The following KCNIP4 variants were observed in gnomAD, a reference collection of about 807,000 sequenced individuals.
The protein encoded by KCNIP4 is Kv channel-interacting protein 4.
Under a neutral mutation model 34.0 loss-of-function variants are expected in KCNIP4, and 12 were observed. That is an observed-to-expected ratio of 0.35 (90% CI 0.23 to 0.57). The LOEUF (loss-of-function observed/expected upper bound fraction) is 0.57. Ranked by LOEUF, KCNIP4 falls within the 20% of genes least tolerant of loss-of-function variation. The probability of loss-of-function intolerance (pLI) is 0.83; values close to 1 mark genes in which losing one functional copy is unlikely to be tolerated. For synonymous variants in KCNIP4, 124 were observed against 102.2 expected (o/e 1.21, Z -1.29); for missense variants, 238 against 311.7 (o/e 0.76, Z 1.78).
intron 3 of KCNIP4, among the ~76,000 whole-genome samples, chr4:20,841,119 A>G (rs764303241): frequency 6.6e-6 from 1 of 152,202 alleles, no homozygotes; most frequent in Non-Finnish European, 1.5e-5. Context: ...CTATTATTAG[A>G]TTATTTTTCA....
chr4:21,005,120 A>AGTC (rs929241270), intron 1 of KCNIP4, among the ~76,000 whole-genome samples: 11 of 152,196 alleles, frequency 7.2e-5, no homozygotes, highest in Non-Finnish European at 1.3e-4. Flanking sequence ...CTTATATGAC[A>AGTC]GGCCAGAGGT....
chr4:21,453,017 C>T (rs190528466), intron 1 of KCNIP4, among the ~76,000 whole-genome samples: 1 of 152,038 alleles, frequency 6.6e-6, no homozygotes, highest in East Asian at 1.9e-4. Context: ...GTTTAGGCAC[C>T]TTTTAGCCAT....
At chr4:20,896,473 T>A (rs1359479949) in intron 1 of KCNIP4, among the ~76,000 whole-genome samples, 1 of 152,134 alleles carries the variant, frequency 6.6e-6, no homozygotes, top group East Asian at 1.9e-4. Flanking sequence ...AGCCAATAAC[T>A]GGTATCTTTC....
intron 1 of KCNIP4, among the ~76,000 whole-genome samples, chr4:20,997,891 G>T (rs927487272): frequency 2.1e-4 from 32 of 152,156 alleles, no homozygotes; most frequent in African/African-American, 7.7e-4. Flanking sequence ...AAGTCACCTC[G>T]GGTGAAATTG....
intron 1 of KCNIP4, among the ~76,000 whole-genome samples, chr4:21,916,858 T>C (rs920470543): frequency 6.6e-6 from 1 of 152,216 alleles, no homozygotes; most frequent in Admixed American, 6.5e-5. Flanking sequence ...CTTCTCCCTC[T>C]GTTTCATCCT....
intron 1 of KCNIP4, chr4:21,843,960 A>C (rs1386597958): frequency 6.6e-6 from 1 of 152,114 alleles, no homozygotes; most frequent in Non-Finnish European, 1.5e-5. Context: ...CAATGCATTC[A>C]ATTCCAACAT....
intron 1 of KCNIP4, among the ~76,000 whole-genome samples, chr4:21,502,040 G>T (rs1259372208): frequency 6.6e-6 from 1 of 150,964 alleles, no homozygotes; most frequent in Non-Finnish European, 1.5e-5. Context: ...ATCACCCAAT[G>T]CAGGCAGCTT....
intron 1 of KCNIP4, among the ~76,000 whole-genome samples, chr4:20,951,446 T>C (rs967503194): frequency 1.3e-5 from 2 of 152,208 alleles, no homozygotes; most frequent in Non-Finnish European, 2.9e-5. Context: ...AAAATAATAC[T>C]AACGAGAAAA....
At chr4:21,450,903 T>C (rs898263831) in intron 1 of KCNIP4, among the ~76,000 whole-genome samples, 4 of 152,164 alleles carry the variant, frequency 2.6e-5, no homozygotes, top group African/African-American at 9.7e-5. Flanking sequence ...CTGATCACCA[T>C]GTATAGTTAT....
In KCNIP4 at chr4:21,832,584, ATTTT is replaced by A. The variant is rs5856672; in HGVS notation, c.61+115983_61+115986del. ...ATTCTTTTTTGTTTTTATTTTTTTTATTTTTTTTTTTATTATTATCATACTTTTA... is the reference window on the plus strand; with the variant it reads ...ATTCTTTTTTGTTTTTATTTTTTTTATTTTTTTATTATTATCATACTTTTA... On this transcript the variant is annotated intron_variant, in intron 1 of 8. Transcript: ENST00000382152. 3.3e-5 allele frequency among the ~76,000 whole-genome samples: 5 copies of A among 150,448 alleles called. No homozygotes were observed. The East Asian group carries it at 5.9e-4, about 18-fold the overall frequency.
intron 1 of KCNIP4, among the ~76,000 whole-genome samples, chr4:21,760,742 A>G (rs1209346527): frequency 6.6e-6 from 1 of 152,114 alleles, no homozygotes; most frequent in East Asian, 1.9e-4. Flanking sequence ...AAATATTTCT[A>G]TTATTTATAG....
intron 1 of KCNIP4, among the ~76,000 whole-genome samples, chr4:21,745,517 A>T (rs1716711409): frequency 6.6e-6 from 1 of 152,176 alleles, no homozygotes; most frequent in African/African-American, 2.4e-5. Flanking sequence ...AAATTAAAGA[A>T]AGCTTTACTC....
intron 1 of KCNIP4, chr4:21,849,300 G>A (rs886817851): frequency 6.6e-6 from 1 of 152,088 alleles, no homozygotes; most frequent in Non-Finnish European, 1.5e-5. Flanking sequence ...TTGAAAGGGG[G>A]CATTATAAAG....
intron 1 of KCNIP4, among the ~76,000 whole-genome samples, chr4:21,628,118 C>T (rs2109195386): frequency 6.6e-6 from 1 of 152,112 alleles, no homozygotes; most frequent in African/African-American, 2.4e-5. Context: ...CTTACTTTAC[C>T]TCATTTCAAA....
intron 1 of KCNIP4, among the ~76,000 whole-genome samples, chr4:21,654,840 C>T (rs1282995392): frequency 6.6e-6 from 1 of 151,990 alleles, no homozygotes; most frequent in Non-Finnish European, 1.5e-5. Flanking sequence ...AGGAGAATGG[C>T]GTGAACCTGG....
At chr4:21,941,041 T>C (rs1044335198) in intron 1 of KCNIP4, among the ~76,000 whole-genome samples, 57 of 152,294 alleles carry the variant, frequency 3.7e-4, no homozygotes, top group African/African-American at 1.3e-3. Context: ...TTTTTTAAAG[T>C]AGTTTCTCAT....
intron 1 of KCNIP4, among the ~76,000 whole-genome samples, chr4:20,978,621 A>T (rs2149687457): frequency 6.6e-6 from 1 of 152,180 alleles, no homozygotes; most frequent in Non-Finnish European, 1.5e-5. Context: ...CTTATATATC[A>T]ATCTTATACA....
intron 1 of KCNIP4, among the ~76,000 whole-genome samples, chr4:21,043,386 T>C (rs1742128558): frequency 6.6e-6 from 1 of 152,262 alleles, no homozygotes; most frequent in Non-Finnish European, 1.5e-5. Flanking sequence ...CTGGAGTGCA[T>C]TGGTGCGATC....
In KCNIP4 at chr4:21,663,174, T is replaced by TCAAG. The variant is rs574067732; in HGVS notation, c.61+285396_61+285397insCTTG. Among the ~76,000 whole-genome samples, 145 of 152,346 alleles carry TCAAG rather than the reference T, an allele frequency of 9.5e-4. 4 individuals carry two copies. The South Asian group carries it at 0.024, about 25-fold the overall frequency. On this transcript the variant is annotated intron_variant, in intron 1 of 8. Transcript: ENST00000382152. Reference sequence around the variant, plus strand: ...TTATCGATAATGGTTTCTAACTTACTAATATTCTTGATTCTTTTGAGAAAA... The same window carrying TCAAG: ...TTATCGATAATGGTTTCTAACTTACTCAAGAATATTCTTGATTCTTTTGAGAAAA...
Sources: allele counts gnomAD v4.1 joint callset (sites outside exome capture counted in the v4.1 genomes callset), GRCh38; gene constraint gnomAD v4.1.1; transcripts MANE v1.5; gene names NCBI Gene and HGNC (gene_info 2026-07-23, HGNC 2026-07-21).